PARD3B: variants seen among roughly 807,000 people sequenced by gnomAD.
The protein encoded by PARD3B is partitioning defective 3 homolog B.
PARD3B carries 103 observed loss-of-function variants against 130.2 expected under a neutral mutation model. The observed-to-expected ratio is 0.79, with a 90% CI of 0.67 to 0.93. The LOEUF (loss-of-function observed/expected upper bound fraction) is 0.93. Ranked by LOEUF, PARD3B falls within the 40% of genes least tolerant of loss-of-function variation. PARD3B has a pLI of 0.00. For synonymous variants in PARD3B, 583 were observed against 553.2 expected (o/e 1.05, Z -0.76); for missense variants, 1,609 against 1,499.2 (o/e 1.07, Z -1.21).
intron 1 of PARD3B, among the ~76,000 whole-genome samples, chr2:204,629,784 T>A (rs529378410): frequency 1.8e-4 from 28 of 152,344 alleles, no homozygotes; most frequent in South Asian, 1.7e-3. Flanking sequence ...TGATTCTGAA[T>A]TATATTCTAT....
intron 20 of PARD3B, among the ~76,000 whole-genome samples, chr2:205,442,402 G>T (rs1360329308): frequency 6.7e-6 from 1 of 148,626 alleles, no homozygotes; most frequent in African/African-American, 2.5e-5. Context: ...AGTTTTGAGC[G>T]TTTCTCCTGC....
At chr2:204,652,906 G>C (rs191735276) in intron 1 of PARD3B, among the ~76,000 whole-genome samples, 1 of 150,988 alleles carries the variant, frequency 6.6e-6, no homozygotes, top group Admixed American at 6.6e-5. Flanking sequence ...ACACAGTTTC[G>C]AACAACCAGA....
At chr2:205,013,262 C>G (rs964239184) in intron 3 of PARD3B, among the ~76,000 whole-genome samples, 1 of 152,192 alleles carries the variant, frequency 6.6e-6, no homozygotes, top group African/African-American at 2.4e-5. Flanking sequence ...AATTTGCTTT[C>G]TACGGTGCTC....
rs1472091999 is a variant in PARD3B, at chr2:205,269,477, G to A, written c.2185+23655G>A. 6.6e-6 allele frequency among the ~76,000 whole-genome samples: 1 copy of A among 152,114 alleles called. No individual in the cohort carries two copies. Among genetic ancestry groups the A allele is most frequent in the East Asian group, 1.9e-4 (1 of 5,200 alleles). ...GAAAGCAAAGTTAGTACCTTGTTAAGATTTCCAAGAACTTTTATATTCAGG... is the reference window on the plus strand; with the variant it reads ...GAAAGCAAAGTTAGTACCTTGTTAAAATTTCCAAGAACTTTTATATTCAGG... On this transcript the variant is annotated intron_variant, in intron 16 of 22. Coordinates refer to ENST00000406610, the MANE Select transcript of PARD3B (RefSeq NM_001302769.2). The surrounding 1 kb of genome is among the most constrained non-coding windows in gnomAD (Gnocchi z 4.7).
At chr2:204,879,113 A>G (rs2045948613) in intron 2 of PARD3B, among the ~76,000 whole-genome samples, 1 of 152,226 alleles carries the variant, frequency 6.6e-6, no homozygotes, top group African/African-American at 2.4e-5. Flanking sequence ...GGAAAGGTGC[A>G]TGAAGAAACA....
At position 205,009,953 on chromosome 2, in the gene PARD3B, C is replaced by G. The variant is rs1695583358; in HGVS notation, c.395-37628C>G. The stretch of plus-strand genomic sequence containing the variant: ...TAAACTCTTTACAATGGTATCTCAC[C>G]TGTTCTTCACTTCAACCCATGAGGT... On this transcript the variant is annotated intron_variant, in intron 3 of 22. Coordinates refer to ENST00000406610, the MANE Select transcript of PARD3B (RefSeq NM_001302769.2). 3.3e-5 allele frequency among the ~76,000 whole-genome samples: 5 copies of G among 152,220 alleles called. No homozygotes were observed. In the South Asian group the frequency reaches 1.0e-3, roughly 32 times the overall value.
chr2:205,115,625 A>C (rs1449824992), intron 6 of PARD3B, among the ~76,000 whole-genome samples: 1 of 152,208 alleles, frequency 6.6e-6, no homozygotes, highest in Non-Finnish European at 1.5e-5. Context: ...AAAAACATTA[A>C]AAATGCTATG....
intron 1 of PARD3B, among the ~76,000 whole-genome samples, chr2:204,548,735 G>C (rs1470284522): frequency 6.6e-6 from 1 of 152,128 alleles, no homozygotes; most frequent in Non-Finnish European, 1.5e-5. Flanking sequence ...TATTTTATGA[G>C]GTCTACATGT....
intron 20 of PARD3B, among the ~76,000 whole-genome samples, chr2:205,445,852 A>G (rs2047888687): frequency 6.6e-6 from 1 of 152,186 alleles, no homozygotes; most frequent in Non-Finnish European, 1.5e-5. Flanking sequence ...CCAAGATGCC[A>G]TTTTTTATTT....
rs1268921624 is a variant in PARD3B at position 205,274,323 on chromosome 2, A to C, written c.2186-26207A>C. Among the ~76,000 whole-genome samples, 1 of 152,080 alleles carries C rather than the reference A, an allele frequency of 6.6e-6. No individual in the cohort carries two copies. Among genetic ancestry groups the C allele is most frequent in the Non-Finnish European group, 1.5e-5 (1 of 67,974 alleles). On this transcript the variant is annotated intron_variant, in intron 16 of 22. Coordinates refer to ENST00000406610, the MANE Select transcript of PARD3B (RefSeq NM_001302769.2). The surrounding 1 kb of genome is among the most constrained non-coding windows in gnomAD (Gnocchi z 4.2). ...ATATACTATATACTTGAAACTTAGA[A>C]AATTTGCAAGAATAATCAGCTGATT... is the stretch of plus-strand genomic sequence containing the variant.
intron 3 of PARD3B, among the ~76,000 whole-genome samples, chr2:205,034,885 C>G (rs1575598856): frequency 1.3e-5 from 2 of 151,978 alleles, no homozygotes; most frequent in East Asian, 3.9e-4. Flanking sequence ...GAGATGAAAT[C>G]TTGCTCTGTC....
chr2:205,042,222 A>G (rs2241741), intron 3 of PARD3B, among the ~76,000 whole-genome samples: 35,841 of 152,048 alleles, frequency 0.24, 4,816 homozygotes, highest in South Asian at 0.49. Flanking sequence ...GACCCCATTT[A>G]ATACCAGCTG....
chr2:205,336,940 G>C (rs1030261021), intron 18 of PARD3B, among the ~76,000 whole-genome samples: 2 of 148,898 alleles, frequency 1.3e-5, no homozygotes, highest in African/African-American at 5.0e-5. Context: ...TTCCTTAGTG[G>C]AACATCTTTA....
intron 2 of PARD3B, among the ~76,000 whole-genome samples, chr2:204,832,909 C>T (rs536142214): frequency 3.9e-5 from 6 of 152,244 alleles, no homozygotes; most frequent in East Asian, 1.9e-4. Context: ...AGAAAATGAA[C>T]GCCTGGTCCC....
chr2:205,247,480 T>C (rs1019925732), intron 16 of PARD3B, among the ~76,000 whole-genome samples: 7 of 152,226 alleles, frequency 4.6e-5, no homozygotes, highest in African/African-American at 1.7e-4. Context: ...CACAGGTTCA[T>C]TGCAAATTCC....
At position 205,091,503 on chromosome 2, in the gene PARD3B, C is replaced by T. The variant is rs575065011; in HGVS notation, c.505-12923C>T. Among the ~76,000 whole-genome samples, 1 of 152,270 alleles carries T rather than the reference C, an allele frequency of 6.6e-6. No individual in the cohort carries two copies. Among genetic ancestry groups the T allele is most frequent in the East Asian group, 1.9e-4 (1 of 5,182 alleles). The stretch of plus-strand genomic sequence containing the variant: ...TCAGGCTTGTTGTTGTTGTTTCTAG[C>T]AACCACCACCTCTCCTATTTAGATA... On this transcript the variant is annotated intron_variant, in intron 4 of 22. Transcript: ENST00000406610. The surrounding 1 kb of genome is among the most constrained non-coding windows in gnomAD (Gnocchi z 4.2).
chr2:204,629,015 T>G (rs544287475), intron 1 of PARD3B, among the ~76,000 whole-genome samples: 18 of 152,282 alleles, frequency 1.2e-4, no homozygotes, highest in African/African-American at 4.1e-4. Context: ...TGGAAGAGCT[T>G]GGAGGAGATA....
intron 18 of PARD3B, among the ~76,000 whole-genome samples, chr2:205,369,887 A>G (rs1380060975): frequency 6.6e-6 from 1 of 152,224 alleles, no homozygotes; most frequent in African/African-American, 2.4e-5. Context: ...TAGAGATTAT[A>G]TGCTTTTAAA....
At chr2:205,145,770 C>T (rs1559482891) in intron 10 of PARD3B, among the ~76,000 whole-genome samples, 3 of 151,520 alleles carry the variant, frequency 2.0e-5, no homozygotes, top group African/African-American at 7.3e-5. Flanking sequence ...TACTCTGTCT[C>T]CCTCTCAAAG....
Sources: gnomAD v4.1 joint callset for allele counts (sites outside exome capture counted in the v4.1 genomes callset) on GRCh38, gnomAD v4.1.1 for gene constraint, Gnocchi (gnomAD v3.1) non-coding constraint, MANE v1.5 for transcripts, NCBI Gene and HGNC (gene_info 2026-07-23, HGNC 2026-07-21) for gene names.